Variants in RPS6KA4 observed in about 807,000 individuals in gnomAD.
The protein encoded by RPS6KA4 is ribosomal protein S6 kinase A4.
In RPS6KA4, 38 loss-of-function variants were observed where a neutral mutation model predicts 89.6. That is an observed-to-expected ratio of 0.42 (90% CI 0.33 to 0.56). RPS6KA4 has a LOEUF of 0.56. Ranked by LOEUF, RPS6KA4 falls within the 20% of genes least tolerant of loss-of-function variation. The pLI is 0.07. For synonymous variants in RPS6KA4, 495 were observed against 492.8 expected (o/e 1.00, Z -0.06); for missense variants, 873 against 1,098.8 (o/e 0.79, Z 2.90).
rs201085797 is a variant in RPS6KA4, at chr11:64,370,276, G to T, written c.1849G>T (p.Gly617Trp). ...CTTCCAGGGGGCCTCTGGCCAGGGCGGGCAGAGCCAGGCGGCCGAGATCAT... is the reference window on the plus strand; with the variant it reads ...CTTCCAGGGGGCCTCTGGCCAGGGCTGGCAGAGCCAGGCGGCCGAGATCAT... Reference protein sequence around the residue: ...VPFQGASGQGGQSQAAEIMCK... With the variant: ...VPFQGASGQGWQSQAAEIMCK... The change falls in exon 15 of 17, where the codon GGG (glycine) becomes TGG (tryptophan). Residue 617 changes from glycine to tryptophan, a missense_variant. Coordinates refer to ENST00000334205, the MANE Select transcript of RPS6KA4 (RefSeq NM_003942.3). The surrounding 1 kb of genome is among the most constrained non-coding windows in gnomAD (Gnocchi z 4.1). The T allele has an allele frequency of 2.5e-6, 4 of 1,587,650 alleles. No homozygotes were observed. Among genetic ancestry groups the T allele is most frequent in the Non-Finnish European group, 3.4e-6 (4 of 1,172,632 alleles).
In RPS6KA4 at chr11:64,368,416, G is replaced by T. The variant is rs890892666; in HGVS notation, c.1201-52G>T. On this transcript the variant is annotated intron_variant, in intron 10 of 16. Coordinates refer to ENST00000334205, the MANE Select transcript of RPS6KA4 (RefSeq NM_003942.3). ...GCGTGGCGGGGCCGCGGGGCTACCAGGTGGGACCTCTGACGCGCCGCCTTC... is the reference window on the plus strand; with the variant it reads ...GCGTGGCGGGGCCGCGGGGCTACCATGTGGGACCTCTGACGCGCCGCCTTC... 3.2e-6 allele frequency: 5 copies of T among 1,543,352 alleles called. No homozygotes were observed. In the Admixed American group the frequency reaches 6.1e-5, roughly 19 times the overall value.
At chr11:64,360,035 A>G in intron 2 of RPS6KA4, 128 bp from the exon 3 acceptor site, 1 of 859,312 alleles carries the variant, frequency 1.2e-6, no homozygotes, top group African/African-American at 1.7e-5. Flanking sequence ...CTTTTTGCAC[A>G]CCTGCCTGTT....
intron 9 of RPS6KA4, 114 bp downstream of exon 9, chr11:64,365,579 C>T (rs775209100): frequency 6.3e-5 from 75 of 1,192,486 alleles, no homozygotes; most frequent in Non-Finnish European, 8.0e-5. Context: ...TGGGACTCAG[C>T]GTCTCCCCTA....
chr11:64,369,416 G>A, intron 12 of RPS6KA4, 30 bp from the exon 13 acceptor site: 1 of 1,555,508 alleles, frequency 6.4e-7, no homozygotes, highest in Non-Finnish European at 8.7e-7. Context: ...GTGGGTGGGT[G>A]TTGACCTTGG....
intron 12 of RPS6KA4, 93 bp from the exon 13 acceptor site, chr11:64,369,353 C>T (rs1449601561): frequency 3.0e-6 from 4 of 1,338,770 alleles, no homozygotes; most frequent in South Asian, 1.5e-5. Context: ...CGAACATTGG[C>T]AGGGCCCGAA....
intron 8 of RPS6KA4, among the ~76,000 whole-genome samples, chr11:64,363,492 TC>T (rs2036806415): frequency 6.6e-6 from 1 of 152,096 alleles, no homozygotes; most frequent in Non-Finnish European, 1.5e-5. Flanking sequence ...TTCTGTCTTT[TC>T]TTTTTCTTTT....
chr11:64,360,096 C>T (rs1252879822), intron 2 of RPS6KA4, 67 bp from the exon 3 acceptor site: 7 of 1,445,382 alleles, frequency 4.8e-6, no homozygotes, highest in Non-Finnish European at 6.5e-6. Context: ...GGCATCGCCC[C>T]CACCCCCCAA....
chr11:64,365,478 T>C lies in RPS6KA4; in HGVS notation c.1071+13T>C. 6.2e-7 allele frequency: 1 copy of C among 1,613,396 alleles called. No homozygotes were observed. The highest frequency in any genetic ancestry group is 8.5e-7 in the Non-Finnish European group (1 of 1,179,828). On this transcript the variant is annotated intron_variant, in intron 9 of 16. Coordinates refer to ENST00000334205, the MANE Select transcript of RPS6KA4 (RefSeq NM_003942.3). The stretch of plus-strand genomic sequence containing the variant: ...CCGAATCTTTCAGGTGAGGGGAAAC[T>C]CATGGAACCCAGATGCAGGAGAGAT...
Position 64,361,023 on chromosome 11 carries a change from A to T in RPS6KA4, c.463-111A>T. ...GCTCTGCCCTGGAGACCCCCTCTAC[A>T]GGCAGATGACTTTCTCTGGGGGGTC... is the stretch of plus-strand genomic sequence containing the variant. On this transcript the variant is annotated intron_variant, in intron 4 of 16. Transcript: ENST00000334205. This position sits in a 1 kb window ranked among gnomAD's most constrained non-coding sequence, Gnocchi z 4.7. The T allele has an allele frequency of 1.3e-6, 1 of 792,930 alleles. No individual in the cohort carries two copies. The highest frequency in any genetic ancestry group is 2.0e-6 in the Non-Finnish European group (1 of 495,910). 49.1% of individuals were successfully genotyped at this position (792,930 alleles called of 1,614,324 possible).
At chr11:64,359,872 A>T in intron 2 of RPS6KA4, 1 of 551,612 alleles carries the variant, frequency 1.8e-6, no homozygotes, top group Non-Finnish European at 3.2e-6. Context: ...CATCCATCTG[A>T]TCTCTCGCAG....
chr11:64,362,415 G>A (rs945076375), intron 8 of RPS6KA4, among the ~76,000 whole-genome samples: 6 of 152,360 alleles, frequency 3.9e-5, no homozygotes, highest in South Asian at 4.1e-4. Flanking sequence ...CAGGCATTTT[G>A]TTCTTTGTCC....
Position 64,369,853 on chromosome 11 carries a change from A to G in RPS6KA4, c.1757A>G (p.Tyr586Cys). 2 of 1,573,844 alleles carry G rather than the reference A, an allele frequency of 1.3e-6. No individual in the cohort carries two copies. Among genetic ancestry groups the G allele is most frequent in the Non-Finnish European group, 1.7e-6 (2 of 1,160,670 alleles). ...AAPELLAQQG[Y>C]DESCDLWSLG... ...CCCGAGCTGCTGGCGCAGCAGGGCTACGACGAGTCCTGCGACCTCTGGAGC... is the reference window on the plus strand; with the variant it reads ...CCCGAGCTGCTGGCGCAGCAGGGCTGCGACGAGTCCTGCGACCTCTGGAGC... The change falls in exon 14 of 17, where the codon TAC (tyrosine) becomes TGC (cysteine). Residue 586 changes from tyrosine (Y) to cysteine (C), a missense_variant. Tyr to Cys is a radical substitution (Grantham distance 194). Coordinates refer to ENST00000334205, the MANE Select transcript of RPS6KA4 (RefSeq NM_003942.3).
Position 64,370,652 on chromosome 11 carries a change from C to G in RPS6KA4, c.2047C>G (p.Pro683Ala). 1 of 1,572,218 alleles carries G rather than the reference C, an allele frequency of 6.4e-7. No homozygotes were observed. Among genetic ancestry groups the G allele is most frequent in the Non-Finnish European group, 8.6e-7 (1 of 1,165,942 alleles). ...GCAGGACGGCAGCGCGCGCTCCTCG[C>G]CCCCGCTCCGGACGCCCGACGTGCT... ...WLQDGSARSSPPLRTPDVLES... is the reference protein window; with the variant it reads ...WLQDGSARSSAPLRTPDVLES... The change falls in exon 16 of 17, where the codon CCC becomes GCC. Residue 683 changes from proline (P) to alanine (A), a missense_variant. Transcript: ENST00000334205. This position sits in a 1 kb window ranked among gnomAD's most constrained non-coding sequence, Gnocchi z 4.1.
Position 64,368,452 on chromosome 11 carries a change from T to TCGCCTTCGCCTC in RPS6KA4, c.1201-14_1201-3dup, listed in dbSNP as rs1565072909. On this transcript the variant is annotated splice_polypyrimidine_tract_variant and intron_variant, in intron 10 of 16. Transcript: ENST00000334205. Reference sequence around the variant, plus strand: ...TGACGCGCCGCCTTCGCCTTCGCCTTCGCCTTCGCCTCCAGGACTCGCCCT... The same window carrying TCGCCTTCGCCTC: ...TGACGCGCCGCCTTCGCCTTCGCCTTCGCCTTCGCCTCCGCCTTCGCCTCCAGGACTCGCCCT... The TCGCCTTCGCCTC allele has an allele frequency of 6.5e-7, 1 of 1,547,164 alleles. No homozygotes were observed. Among genetic ancestry groups the TCGCCTTCGCCTC allele is most frequent in the Non-Finnish European group, 8.7e-7 (1 of 1,146,532 alleles).
In RPS6KA4 at chr11:64,362,926, C is replaced by T. The variant is rs578071589; in HGVS notation, c.906+924C>T. ...CCTCAAGTGATCCACCTGCCTCATC[C>T]TCCCAAAGTGTTGGGATTACAGGTG... On this transcript the variant is annotated intron_variant, in intron 8 of 16. Coordinates refer to ENST00000334205, the MANE Select transcript of RPS6KA4 (RefSeq NM_003942.3). Among the ~76,000 whole-genome samples, 31 of 152,286 alleles carry T rather than the reference C, an allele frequency of 2.0e-4. 1 individual carries two copies. In the South Asian group the frequency reaches 6.4e-3, roughly 32 times the overall value.
rs1461164366 is a variant in RPS6KA4 at position 64,368,611 on chromosome 11, C to T, written c.1334+10C>T. 6.3e-7 allele frequency: 1 copy of T among 1,595,908 alleles called. No individual in the cohort carries two copies. Among genetic ancestry groups the T allele is most frequent in the East Asian group, 2.3e-5 (1 of 44,244 alleles). On this transcript the variant is annotated intron_variant, in intron 11 of 16. Coordinates refer to ENST00000334205, the MANE Select transcript of RPS6KA4 (RefSeq NM_003942.3). ...AGATCCTCAGTCGCAGGTGGGAGGG[C>T]CCAGGCGCGGGCAGGGGTGGGGGTG...
At position 64,370,802 on chromosome 11, in the gene RPS6KA4, G is replaced by A. The variant is rs1384528660; in HGVS notation, c.2121+76G>A. The A allele has an allele frequency of 6.3e-6, 9 of 1,435,132 alleles. No homozygotes were observed. The highest frequency in any genetic ancestry group is 8.2e-6 in the Non-Finnish European group (9 of 1,093,766). The allele number at this position is 1,435,132 out of a possible 1,614,324, so 88.9% of individuals were successfully genotyped here. ...TGGGGTCTGGGGAGGCCCGGCCATCGGAGCACAGAAAGGCGAGGTGAGGCC... is the reference window on the plus strand; with the variant it reads ...TGGGGTCTGGGGAGGCCCGGCCATCAGAGCACAGAAAGGCGAGGTGAGGCC... On this transcript the variant is annotated intron_variant, in intron 16 of 16. Transcript: ENST00000334205. This position sits in a 1 kb window ranked among gnomAD's most constrained non-coding sequence, Gnocchi z 4.1.
rs757236334 is a variant in RPS6KA4 at position 64,361,745 on chromosome 11, G to A, written c.755G>A (p.Arg252Gln). ...AGGAACACGCAGGCTGAGGTGTCTC[G>A]GTGAGTAGGGCTGGACGTGGAGGGC... Reference protein sequence around the residue: ...GERNTQAEVSRRILKCSPPFP... With the variant: ...GERNTQAEVSQRILKCSPPFP... The change falls in exon 7 of 17, where the codon CGA (arginine) becomes CAA (glutamine). Residue 252 changes from arginine to glutamine, a missense_variant and splice_region_variant. Around this residue, in one of 4 missense-constraint regions of RPS6KA4, gnomAD observed 542 missense variants for 736.4 expected, o/e 0.74. Transcript: ENST00000334205. This position sits in a 1 kb window ranked among gnomAD's most constrained non-coding sequence, Gnocchi z 4.7. The A allele has an allele frequency of 9.4e-6, 15 of 1,602,442 alleles. No homozygotes were observed. The highest frequency in any genetic ancestry group is 4.5e-5 in the East Asian group (2 of 44,766).
intron 8 of RPS6KA4, 150 bp downstream of exon 8, chr11:64,362,152 A>G (rs2036770835): frequency 3.2e-6 from 3 of 924,174 alleles, no homozygotes; most frequent in Non-Finnish European, 4.8e-6. Context: ...TTCTCTTCAC[A>G]TCCATCCCCA....
Sources: gnomAD v4.1 joint callset for allele counts (sites outside exome capture counted in the v4.1 genomes callset) on GRCh38, gnomAD v4.1.1 for gene constraint, gnomAD v4.1.1 regional missense constraint, Gnocchi (gnomAD v3.1) non-coding constraint, MANE v1.5 for transcripts, NCBI Gene and HGNC (gene_info 2026-07-23, HGNC 2026-07-21) for gene names.